The following PLEK variants were observed in gnomAD, a reference collection of about 807,000 sequenced individuals.
The protein encoded by PLEK is platelet 47 kDa protein.
Under a neutral mutation model 43.9 loss-of-function variants are expected in PLEK, and 25 were observed. The observed-to-expected ratio is 0.57, with a 90% confidence interval of 0.41 to 0.79. The LOEUF is 0.79. Ranked by LOEUF, PLEK falls within the 30% of genes least tolerant of loss-of-function variation. The pLI, the probability that PLEK is intolerant of heterozygous loss-of-function variation, is 0.00. For missense variants in PLEK, 396 were observed against 413.3 expected, an observed-to-expected ratio of 0.96 and a Z score of 0.36; for synonymous variants, 152 against 144.4, an observed-to-expected ratio of 1.05 and a Z score of -0.38.
intron 1 of PLEK, among the ~76,000 whole-genome samples, chr2:68,376,976 C>T (rs988273507): frequency 1.3e-5 from 2 of 152,052 alleles, no homozygotes; most frequent in Non-Finnish European, 2.9e-5. Flanking sequence ...TCCATGAGTT[C>T]AGTTGTTTTG....
At chr2:68,378,244 C>G (rs1268042355) in intron 1 of PLEK, among the ~76,000 whole-genome samples, 1 of 152,088 alleles carries the variant, frequency 6.6e-6, no homozygotes, top group Non-Finnish European at 1.5e-5. Flanking sequence ...ACATTTTACC[C>G]AAAGACATGT....
chr2:68,380,606 C>A (rs368855244), intron 2 of PLEK, 117 bp from the exon 3 acceptor site: 9 of 1,395,058 alleles, frequency 6.5e-6, no homozygotes, highest in Non-Finnish European at 8.9e-6. Context: ...CCACACCCCA[C>A]CCTGGCATTT....
chr2:68,369,442 T>C (rs948158551), intron 1 of PLEK, among the ~76,000 whole-genome samples: 9 of 151,780 alleles, frequency 5.9e-5, no homozygotes, highest in Non-Finnish European at 8.8e-5. Flanking sequence ...GGGAACATTA[T>C]GCCAGAGCGA....
At chr2:68,392,072 T>A (rs1247912133) in intron 6 of PLEK, among the ~76,000 whole-genome samples, 1 of 152,186 alleles carries the variant, frequency 6.6e-6, no homozygotes, top group African/African-American at 2.4e-5. Context: ...AGTGTTTAAT[T>A]CTGTTGGGAA....
chr2:68,365,522 C>T (rs1038119744), intron 1 of PLEK, 129 bp downstream of exon 1: 18 of 736,758 alleles, frequency 2.4e-5, no homozygotes, highest in Non-Finnish European at 3.9e-5. Context: ...AATAGGGGAG[C>T]GTGGTAGCAC....
chr2:68,395,687 G>A lies in PLEK; in HGVS notation c.924G>A (p.Lys308=). 1 of 1,614,100 alleles carries A rather than the reference G, an allele frequency of 6.2e-7. No individual in the cohort carries two copies. Among genetic ancestry groups the A allele is most frequent in the Non-Finnish European group, 8.5e-7 (1 of 1,179,974 alleles). ...TSVESNSNGR[K]SEEENLFEII... ...TGCCTTCTCTTTCCCCAGGCAGGAAGAGTGAGGAAGAGAACCTTTTTGAGA... is the reference window on the plus strand; with the variant it reads ...TGCCTTCTCTTTCCCCAGGCAGGAAAAGTGAGGAAGAGAACCTTTTTGAGA... Residue 308 remains lysine, a synonymous_variant, in exon 9 of 9, where the codon AAG becomes AAA. Coordinates refer to ENST00000234313, the MANE Select transcript of PLEK (RefSeq NM_002664.3).
chr2:68,384,147 T>TC (rs1558499373), intron 4 of PLEK, among the ~76,000 whole-genome samples: 1 of 149,274 alleles, frequency 6.7e-6, no homozygotes, highest in Non-Finnish European at 1.5e-5. Flanking sequence ...CTGGTTTTTT[T>TC]CTTCTTGTTC....
At chr2:68,374,372 T>C (rs1673464237) in intron 1 of PLEK, among the ~76,000 whole-genome samples, 1 of 152,226 alleles carries the variant, frequency 6.6e-6, no homozygotes, top group African/African-American at 2.4e-5. Flanking sequence ...GGACAATTCA[T>C]TGCATGAATA....
At chr2:68,371,962 A>G (rs1391670238) in intron 1 of PLEK, among the ~76,000 whole-genome samples, 2 of 152,162 alleles carry the variant, frequency 1.3e-5, no homozygotes, top group Non-Finnish European at 2.9e-5. Context: ...GAAGCAATCA[A>G]TTATGTTTTA....
At chr2:68,386,423 G>A in intron 4 of PLEK, 79 bp from the exon 5 acceptor site, 1 of 1,097,430 alleles carries the variant, frequency 9.1e-7, no homozygotes, top group Non-Finnish European at 1.3e-6. Flanking sequence ...TGGGTGAGCT[G>A]GAGTCAGTTC....
chr2:68,366,452 G>A (rs899160388), intron 1 of PLEK, among the ~76,000 whole-genome samples: 5 of 152,176 alleles, frequency 3.3e-5, no homozygotes, highest in Non-Finnish European at 4.4e-5. Flanking sequence ...CAGAAGGCTC[G>A]GTGATTGCCC....
At chr2:68,371,973 T>A (rs985767467) in intron 1 of PLEK, among the ~76,000 whole-genome samples, 1 of 152,228 alleles carries the variant, frequency 6.6e-6, no homozygotes, top group Admixed American at 6.5e-5. Context: ...TTATGTTTTA[T>A]TGGACCCAGC....
At chr2:68,395,019 G>T (rs968028027) in intron 8 of PLEK, among the ~76,000 whole-genome samples, 1 of 47,866 alleles carries the variant, frequency 2.1e-5, no homozygotes, top group Non-Finnish European at 4.9e-5. Flanking sequence ...GAGCATGCTG[G>T]TTCTTTATTT....
intron 1 of PLEK, among the ~76,000 whole-genome samples, chr2:68,373,186 C>T (rs1269518271): frequency 6.6e-6 from 1 of 152,032 alleles, no homozygotes; most frequent in African/African-American, 2.4e-5. Flanking sequence ...CTGGTAGCTG[C>T]AGTAGTGGTG....
intron 1 of PLEK, 30 bp from the exon 2 acceptor site, chr2:68,380,298 C>G: frequency 6.3e-7 from 1 of 1,580,110 alleles, no homozygotes; most frequent in Non-Finnish European, 8.6e-7. Context: ...AGAGCCCTGT[C>G]CATCTCAGCT....
rs754718617 is a variant in PLEK, at chr2:68,386,603, C to T, written c.574C>T (p.Pro192Ser). Residue 192 changes from proline (P) to serine (S), a missense_variant, in exon 5 of 9, where the codon CCT becomes TCT. Coordinates refer to ENST00000234313, the MANE Select transcript of PLEK (RefSeq NM_002664.3). The part of the protein sequence containing the change: ...SSLLNEGYLQ[P>S]AGDMSKSAVD... The stretch of plus-strand genomic sequence containing the variant: ...GCTGCTCAATGAGGGGTATCTGCAG[C>T]CTGCTGGAGACATGTCCAAGAGTGC... The T allele has an allele frequency of 1.2e-6, 2 of 1,613,808 alleles. No homozygotes were observed. Among genetic ancestry groups the T allele is most frequent in the South Asian group, 2.2e-5 (2 of 91,070 alleles).
At chr2:68,389,293 G>T (rs1287577019) in intron 6 of PLEK, among the ~76,000 whole-genome samples, 2 of 152,216 alleles carry the variant, frequency 1.3e-5, no homozygotes, top group African/African-American at 4.8e-5. Flanking sequence ...AGAGGCCAAG[G>T]CTGCTTTGCA....
rs1273264960 is a variant in PLEK at position 68,395,688 on chromosome 2, A to G, written c.925A>G (p.Ser309Gly). The G allele has an allele frequency of 6.2e-7, 1 of 1,614,048 alleles. No individual in the cohort carries two copies. Among genetic ancestry groups the G allele is most frequent in the Admixed American group, 1.7e-5 (1 of 60,010 alleles). Residue 309 changes from serine (S) to glycine (G), a missense_variant, in exon 9 of 9, where the codon AGT becomes GGT. Coordinates refer to ENST00000234313, the MANE Select transcript of PLEK (RefSeq NM_002664.3). ...SVESNSNGRK[S>G]EEENLFEIIT... ...GCCTTCTCTTTCCCCAGGCAGGAAG[A>G]GTGAGGAAGAGAACCTTTTTGAGAT...
chr2:68,382,062 A>G (rs1673629629), intron 3 of PLEK, among the ~76,000 whole-genome samples: 1 of 152,248 alleles, frequency 6.6e-6, no homozygotes, highest in Non-Finnish European at 1.5e-5. Flanking sequence ...CATTTTAAAG[A>G]TAAGACATAT....
Sources: allele counts gnomAD v4.1 joint callset (sites outside exome capture counted in the v4.1 genomes callset), GRCh38; gene constraint gnomAD v4.1.1; transcripts MANE v1.5; gene names NCBI Gene and HGNC (gene_info 2026-07-23, HGNC 2026-07-21).